Variants in HFE observed in about 807,000 individuals in gnomAD.
HFE encodes the protein hereditary hemochromatosis protein.
Under a neutral mutation model 40.9 loss-of-function variants are expected in HFE, and 36 were observed. The observed-to-expected ratio is 0.88, with a 90% confidence interval of 0.67 to 1.16. HFE has a LOEUF of 1.16. HFE is among the 50% of genes most tolerant of loss of function. The pLI, the probability that HFE is intolerant of heterozygous loss-of-function variation, is 0.00. For synonymous variants in HFE, 157 were observed against 165.4 expected (o/e 0.95, Z 0.39); for missense variants, 376 against 432.0 (o/e 0.87, Z 1.15).
rs1361514923 is a variant in HFE, at chr6:26,094,361, T to C, written c.*135T>C. On this transcript the variant is annotated 3_prime_UTR_variant, in exon 6 of 6. Coordinates refer to ENST00000357618, the MANE Select transcript of HFE (RefSeq NM_000410.4). ...AATTGCCTGACGAACTCCTTGATTTTAGCCTTCTCTGTTCATTTCCTCAAA... is the reference window on the plus strand; with the variant it reads ...AATTGCCTGACGAACTCCTTGATTTCAGCCTTCTCTGTTCATTTCCTCAAA... The C allele has an allele frequency of 1.2e-6, 1 of 820,904 alleles. No individual in the cohort carries two copies. The highest frequency in any genetic ancestry group is 2.1e-6 in the Non-Finnish European group (1 of 487,572). The allele number at this position is 820,904 out of a possible 1,614,324, so 50.9% of individuals were successfully genotyped here.
intron 1 of HFE, 21 bp downstream of exon 1, chr6:26,087,537 C>A (rs1487524016): frequency 3.1e-6 from 5 of 1,603,426 alleles, no homozygotes; most frequent in East Asian, 2.2e-5. Context: ...GGGCTGCGGG[C>A]GAACTAGGGG....
At chr6:26,089,077 G>T (rs1218918807) in intron 1 of HFE, among the ~76,000 whole-genome samples, 1 of 130,834 alleles carries the variant, frequency 7.6e-6, no homozygotes, top group Non-Finnish European at 1.6e-5. Context: ...TAAAAAGCGG[G>T]TTTTCTCAGC....
chr6:26,092,529 C>T, intron 3 of HFE, 156 bp from the exon 4 acceptor site: 1 of 1,300,686 alleles, frequency 7.7e-7, no homozygotes, highest in Non-Finnish European at 1.1e-6. Flanking sequence ...GTGTTAGAGT[C>T]CAATCTTAGG....
Position 26,096,755 on chromosome 6 carries a change from A to G in HFE, c.*2529A>G, listed in dbSNP as rs1433309539. On this transcript the variant is annotated 3_prime_UTR_variant, in exon 6 of 6. Coordinates refer to ENST00000357618, the MANE Select transcript of HFE (RefSeq NM_000410.4). ...AATTAGCCAGTGAAAAACTATTAAC[A>G]ACTTGTCTATTACCTGTTAGTATTA... The G allele has an allele frequency of 2.7e-6, 1 of 369,130 alleles. No homozygotes were observed. The highest frequency in any genetic ancestry group is 5.2e-6 in the Non-Finnish European group (1 of 191,396). The allele number at this position is 369,130 out of a possible 1,614,324, so 22.9% of individuals were successfully genotyped here.
chr6:26,093,306 C>A, intron 5 of HFE, 74 bp downstream of exon 5: 1 of 1,036,864 alleles, frequency 9.6e-7, no homozygotes, highest in Non-Finnish European at 1.5e-6. Flanking sequence ...CAGAGGGGAT[C>A]TGGCATCCAT....
At chr6:26,093,021 G>A (rs1049239854) in intron 4 of HFE, 61 bp downstream of exon 4, 1 of 1,613,912 alleles carries the variant, frequency 6.2e-7, no homozygotes, top group African/African-American at 1.3e-5. Flanking sequence ...AGGAGTGCCT[G>A]AGGAGGTAAT....
intron 2 of HFE, 28 bp downstream of exon 2, chr6:26,091,132 T>C (rs1164068586): frequency 1.9e-6 from 3 of 1,613,730 alleles, no homozygotes; most frequent in African/African-American, 1.3e-5. Context: ...CTCACCTTCC[T>C]GAGGTTGTCA....
intron 1 of HFE, among the ~76,000 whole-genome samples, chr6:26,089,137 A>AGGGGG (rs1325415029): frequency 1.6e-5 from 1 of 62,630 alleles, no homozygotes; most frequent in Admixed American, 1.8e-4. Flanking sequence ...GGGGGTGGGA[A>AGGGGG]GGGGGACTAC....
chr6:26,093,008 G>A lies in HFE; in HGVS notation c.892+48G>A, dbSNP rs1800758. On this transcript the variant is annotated intron_variant, in intron 4 of 5. Transcript: ENST00000357618. ...GAGCTGAGAAAATCTATTGGGGGTT[G>A]AGAGGAGTGCCTGAGGAGGTAATTA... 0.13 allele frequency: 203,915 copies of A among 1,613,608 alleles called. 13,973 individuals carry two copies. The highest frequency in any genetic ancestry group is 0.21 in the South Asian group (19,112 of 91,034).
intron 3 of HFE, 37 bp downstream of exon 3, chr6:26,091,626 T>A (rs1762715353): frequency 1.9e-6 from 3 of 1,602,954 alleles, no homozygotes; most frequent in Non-Finnish European, 2.6e-6. Flanking sequence ...TATACTCTAG[T>A]GGCAGAGTGG....
In HFE at chr6:26,090,747, C is replaced by A; in HGVS notation, c.77-94C>A. 3.8e-6 allele frequency: 5 copies of A among 1,306,786 alleles called. No homozygotes were observed. In the East Asian group the frequency reaches 9.2e-5, roughly 24 times the overall value. 80.9% of individuals were successfully genotyped at this position (1,306,786 alleles called of 1,614,324 possible). The stretch of plus-strand genomic sequence containing the variant: ...CCCTTCACAAAATGAGGACCAGACA[C>A]AGCTGATGGTATGAGTTGATGCAGG... On this transcript the variant is annotated intron_variant, in intron 1 of 5. Coordinates refer to ENST00000357618, the MANE Select transcript of HFE (RefSeq NM_000410.4).
rs1161600508 is a variant in HFE at position 26,091,113 on chromosome 6, A to T, written c.340+9A>T. On this transcript the variant is annotated intron_variant, in intron 2 of 5. Coordinates refer to ENST00000357618, the MANE Select transcript of HFE (RefSeq NM_000410.4). ...TCACAACCACAGCAAGGGTATGTGGAGAGGGGGCCTCACCTTCCTGAGGTT... is the reference window on the plus strand; with the variant it reads ...TCACAACCACAGCAAGGGTATGTGGTGAGGGGGCCTCACCTTCCTGAGGTT... 3.7e-6 allele frequency: 6 copies of T among 1,613,926 alleles called. No individual in the cohort carries two copies. Among genetic ancestry groups the T allele is most frequent in the Non-Finnish European group, 5.1e-6 (6 of 1,179,798 alleles).
At position 26,094,210 on chromosome 6, in the gene HFE, T is replaced by C. The variant is rs915739411; in HGVS notation, c.1031T>C (p.Leu344Ser). ...GSRGAMGHYVLAERE is the reference protein window; with the variant it reads ...GSRGAMGHYVSAERE ...GGAGGAGCCATGGGGCACTACGTCT[T>C]AGCTGAACGTGAGTGACACGCAGCC... The change falls in exon 6 of 6, where the codon TTA (leucine) becomes TCA (serine). Residue 344 changes from leucine to serine, a missense_variant. Transcript: ENST00000357618. 1.9e-6 allele frequency: 3 copies of C among 1,613,826 alleles called. No homozygotes were observed. The highest frequency in any genetic ancestry group is 2.5e-6 in the Non-Finnish European group (3 of 1,179,916).
In HFE at chr6:26,096,379, C is replaced by T. The variant is rs1336089767; in HGVS notation, c.*2153C>T. ...GAACTCTCCTGACCTCGTGATCCGCCTGCCTCGGCCTCCCAAAGTGCTGAG... is the reference window on the plus strand; with the variant it reads ...GAACTCTCCTGACCTCGTGATCCGCTTGCCTCGGCCTCCCAAAGTGCTGAG... On this transcript the variant is annotated 3_prime_UTR_variant, in exon 6 of 6. Coordinates refer to ENST00000357618, the MANE Select transcript of HFE (RefSeq NM_000410.4). 2 of 449,808 alleles carry T rather than the reference C, an allele frequency of 4.4e-6. No homozygotes were observed. The highest frequency in any genetic ancestry group is 8.9e-6 in the Non-Finnish European group (2 of 225,082). 27.9% of individuals were successfully genotyped at this position (449,808 alleles called of 1,614,324 possible).
chr6:26,095,594 T>C lies in HFE; in HGVS notation c.*1368T>C, dbSNP rs1274541020. 2 of 152,230 alleles carry C rather than the reference T, an allele frequency of 1.3e-5. No individual in the cohort carries two copies. Among genetic ancestry groups the C allele is most frequent in the Admixed American group, 6.5e-5 (1 of 15,278 alleles). The allele number at this position is 152,230 out of a possible 1,614,324, so 9.4% of individuals were successfully genotyped here. A position where few individuals can be genotyped will look rare whatever the true frequency, so the allele number is the denominator to read the frequency against. ...AAACAGGTTTCAAACTCAGTCAATC[T>C]GACCGTTTGATACATCTCAGACACC... On this transcript the variant is annotated 3_prime_UTR_variant, in exon 6 of 6. Transcript: ENST00000357618.
Position 26,096,522 on chromosome 6 carries a change from A to ATTCTG in HFE, c.*2298_*2302dup, listed in dbSNP as rs748286979. On this transcript the variant is annotated 3_prime_UTR_variant, in exon 6 of 6. Coordinates refer to ENST00000357618, the MANE Select transcript of HFE (RefSeq NM_000410.4). ...TTGGCTGCATAAATGTGGTACAAGC[A>ATTCTG]TTCTGTCTTGAAGGGCAGGTGCTTC... The ATTCTG allele has an allele frequency of 2.6e-4, 120 of 456,540 alleles. 2 individuals carry two copies. Among genetic ancestry groups the ATTCTG allele is most frequent in the Admixed American group, 2.5e-3 (107 of 42,572 alleles). 28.3% of individuals were successfully genotyped at this position (456,540 alleles called of 1,614,324 possible).
rs1238996783 is a variant in HFE at position 26,098,278 on chromosome 6, A to C, written c.*4052A>C. The C allele has an allele frequency of 1.3e-5, 2 of 152,168 alleles. No homozygotes were observed. The highest frequency in any genetic ancestry group is 2.9e-5 in the Non-Finnish European group (2 of 68,016). The allele number at this position is 152,168 out of a possible 1,614,324, so 9.4% of individuals were successfully genotyped here. A position where few individuals can be genotyped will look rare whatever the true frequency, so the allele number is the denominator to read the frequency against. The stretch of plus-strand genomic sequence containing the variant: ...GATAGATATGGTGGATTTGGAGTTG[A>C]TACTTATATATTTTCTATTTCTTGG... On this transcript the variant is annotated 3_prime_UTR_variant, in exon 6 of 6. Coordinates refer to ENST00000357618, the MANE Select transcript of HFE (RefSeq NM_000410.4).
At position 26,094,229 on chromosome 6, in the gene HFE, CGCAGCCT is replaced by C. The variant is rs778818378; in HGVS notation, c.*8_*14del. ...ACGTCTTAGCTGAACGTGAGTGACACGCAGCCTGCAGACTCACTGTGGGAAGGAGACA... is the reference window on the plus strand; with the variant it reads ...ACGTCTTAGCTGAACGTGAGTGACACGCAGACTCACTGTGGGAAGGAGACA... On this transcript the variant is annotated 3_prime_UTR_variant, in exon 6 of 6. Transcript: ENST00000357618. 1 of 1,613,856 alleles carries C rather than the reference CGCAGCCT, an allele frequency of 6.2e-7. No homozygotes were observed. The highest frequency in any genetic ancestry group is 8.5e-7 in the Non-Finnish European group (1 of 1,179,792).
chr6:26,092,888 C>A lies in HFE; in HGVS notation c.820C>A (p.Pro274Thr), dbSNP rs759183948. The A allele has an allele frequency of 6.2e-7, 1 of 1,614,180 alleles. No homozygotes were observed. The highest frequency in any genetic ancestry group is 1.1e-5 in the South Asian group (1 of 91,088). The change falls in exon 4 of 6, where the codon CCT (proline) becomes ACT (threonine). Residue 274 changes from proline (P) to threonine (T), a missense_variant. Physicochemically the swap from Pro to Thr is conservative, Grantham distance 38 (BLOSUM62 -1). Around this residue, in one of 3 missense-constraint regions of HFE, gnomAD observed 173 missense variants for 186.9 expected, o/e 0.93. Coordinates refer to ENST00000357618, the MANE Select transcript of HFE (RefSeq NM_000410.4). Reference protein sequence around the residue: ...YQGWITLAVPPGEEQRYTCQV... With the variant: ...YQGWITLAVPTGEEQRYTCQV... ...GGGCTGGATAACCTTGGCTGTACCCCCTGGGGAAGAGCAGAGATATACGTG... is the reference window on the plus strand; with the variant it reads ...GGGCTGGATAACCTTGGCTGTACCCACTGGGGAAGAGCAGAGATATACGTG...
Sources: allele counts gnomAD v4.1 joint callset (sites outside exome capture counted in the v4.1 genomes callset), GRCh38; gene constraint gnomAD v4.1.1; regional missense constraint gnomAD v4.1.1; transcripts MANE v1.5; gene names NCBI Gene and HGNC (gene_info 2026-07-23, HGNC 2026-07-21).